The following SNX8 variants were observed in gnomAD, a reference collection of about 807,000 sequenced individuals.
SNX8 encodes the protein sorting nexin 8, also known as sorting nexin-8.
A neutral mutation model predicts 51.6 loss-of-function variants in SNX8; 25 were observed. That is an observed-to-expected ratio of 0.48 (90% CI 0.35 to 0.68). SNX8 has a LOEUF of 0.68. Among genes scored for constraint, SNX8 ranks in the 30% least tolerant of loss-of-function variants. The pLI, the probability that SNX8 is intolerant of heterozygous loss-of-function variation, is 0.00. For missense variants in SNX8, 695 were observed against 624.0 expected (o/e 1.11, Z -1.21); for synonymous variants, 324 against 277.0 (o/e 1.17, Z -1.68).
intron 1 of SNX8, among the ~76,000 whole-genome samples, chr7:2,313,172 T>C (rs1181801004): frequency 6.6e-6 from 1 of 151,934 alleles, no homozygotes; most frequent in Admixed American, 6.6e-5. Context: ...GTGCTGAGAT[T>C]ACAAGCGTGA....
At chr7:2,265,150 C>T (rs902276965) in intron 5 of SNX8, among the ~76,000 whole-genome samples, 2 of 151,942 alleles carry the variant, frequency 1.3e-5, no homozygotes, top group Admixed American at 6.6e-5. Flanking sequence ...GTAAGGAGAT[C>T]GAGACTATGG....
intron 1 of SNX8, among the ~76,000 whole-genome samples, chr7:2,311,829 C>A (rs375632235): frequency 2.0e-5 from 3 of 151,312 alleles, no homozygotes; most frequent in Non-Finnish European, 4.4e-5. Flanking sequence ...CCCAGCTACT[C>A]GGGAGGCTGA....
At chr7:2,334,902 T>C (rs994254299) in intron 1 of SNX8, among the ~76,000 whole-genome samples, 1 of 143,660 alleles carries the variant, frequency 7.0e-6, no homozygotes, top group African/African-American at 2.6e-5. Flanking sequence ...AAAAAAGACT[T>C]GTTCAAGTAT....
At chr7:2,271,646 T>C (rs570018538) in intron 4 of SNX8, among the ~76,000 whole-genome samples, 32 of 152,106 alleles carry the variant, frequency 2.1e-4, no homozygotes, top group African/African-American at 7.2e-4. Flanking sequence ...TACAAAATCC[T>C]GCAAAGTCAA....
intron 1 of SNX8, among the ~76,000 whole-genome samples, chr7:2,289,509 T>G (rs1241817816): frequency 6.6e-6 from 1 of 152,210 alleles, no homozygotes; most frequent in East Asian, 1.9e-4. Flanking sequence ...GTGCCTCTTT[T>G]AACACAGTTG....
At chr7:2,321,705 C>G (rs1452842926) in intron 1 of SNX8, among the ~76,000 whole-genome samples, 1 of 142,360 alleles carries the variant, frequency 7.0e-6, no homozygotes, top group African/African-American at 2.7e-5. Flanking sequence ...TGAGCCACCG[C>G]GCCCGGCCTT....
rs1224855006 is a variant in SNX8 at position 2,253,273 on chromosome 7, C to G, written c.*1783G>C. The G allele has an allele frequency of 1.9e-5, 3 of 154,560 alleles. No homozygotes were observed. The highest frequency in any genetic ancestry group is 6.5e-5 in the Admixed American group (1 of 15,298). 9.6% of individuals were successfully genotyped at this position (154,560 alleles called of 1,614,324 possible). A position where few individuals can be genotyped will look rare whatever the true frequency, so the allele number is the denominator to read the frequency against. On this transcript the variant is annotated 3_prime_UTR_variant, in exon 11 of 11. Coordinates refer to ENST00000222990, the MANE Select transcript of SNX8 (RefSeq NM_013321.4). The stretch of plus-strand genomic sequence containing the variant: ...GTCAGGAGCGCGTGCCTTGCCTACT[C>G]TGGAGACACAGAGGCCCCAGCACCT...
intron 1 of SNX8, among the ~76,000 whole-genome samples, chr7:2,350,710 A>T (rs1029390833): frequency 2.6e-5 from 4 of 152,050 alleles, no homozygotes; most frequent in African/African-American, 9.7e-5. Context: ...GCAGTGGCAC[A>T]ACCTCGGCTC....
At chr7:2,300,245 C>T (rs1035900572) in intron 1 of SNX8, among the ~76,000 whole-genome samples, 9 of 152,166 alleles carry the variant, frequency 5.9e-5, no homozygotes, top group South Asian at 2.1e-4. Flanking sequence ...ATTATCTTAA[C>T]GCGTTTAAGG....
chr7:2,303,497 T>C (rs984752092), intron 1 of SNX8, among the ~76,000 whole-genome samples: 11 of 151,956 alleles, frequency 7.2e-5, no homozygotes, highest in Non-Finnish European at 1.3e-4. Flanking sequence ...ACAATGGCGG[T>C]TTTGTGGAAT....
At chr7:2,273,902 TAAAA>T (rs560129465) in intron 3 of SNX8, among the ~76,000 whole-genome samples, 2 of 125,892 alleles carry the variant, frequency 1.6e-5, no homozygotes, top group African/African-American at 5.8e-5. Flanking sequence ...AGACTCCATG[TAAAA>T]AAAAAAAAAA....
chr7:2,286,056 A>T lies in SNX8; in HGVS notation c.95-7751T>A, dbSNP rs151081527. Among the ~76,000 whole-genome samples, 10 of 149,472 alleles carry T rather than the reference A, an allele frequency of 6.7e-5. No homozygotes were observed. The East Asian group carries it at 1.6e-3, about 24-fold the overall frequency. Reference sequence around the variant, plus strand: ...AGAGGGAGTCTTGCTCTGTCTCCCAAGCTGGAATGCTGTGGCGCTATCTCG... The same window carrying T: ...AGAGGGAGTCTTGCTCTGTCTCCCATGCTGGAATGCTGTGGCGCTATCTCG... On this transcript the variant is annotated intron_variant, in intron 1 of 10. Coordinates refer to ENST00000222990, the MANE Select transcript of SNX8 (RefSeq NM_013321.4).
At chr7:2,295,605 A>T in intron 1 of SNX8, among the ~76,000 whole-genome samples, 1 of 71,734 alleles carries the variant, frequency 1.4e-5, no homozygotes, top group South Asian at 4.4e-4. Context: ...AAAAAAAAAA[A>T]AAAAAAAAAA....
At chr7:2,293,637 G>A (rs1327120947) in intron 1 of SNX8, among the ~76,000 whole-genome samples, 1 of 151,324 alleles carries the variant, frequency 6.6e-6, no homozygotes, top group African/African-American at 2.4e-5. Flanking sequence ...ACTCCAGCCT[G>A]GGTGACAAAG....
chr7:2,282,410 C>T (rs1795927389), intron 1 of SNX8, among the ~76,000 whole-genome samples: 3 of 152,114 alleles, frequency 2.0e-5, no homozygotes, highest in South Asian at 4.1e-4. Flanking sequence ...CCAAGTCAGC[C>T]GCCGGCCCAC....
intron 4 of SNX8, 69 bp from the exon 5 acceptor site, chr7:2,269,708 T>A: frequency 1.9e-6 from 2 of 1,045,692 alleles, no homozygotes; most frequent in Non-Finnish European, 2.8e-6. Context: ...GGGGTATGGG[T>A]CACTGTGGAG....
chr7:2,269,449 C>A (rs1392794987), intron 5 of SNX8, 110 bp downstream of exon 5: 1 of 525,956 alleles, frequency 1.9e-6, no homozygotes, highest in African/African-American at 2.0e-5. Flanking sequence ...GACCTTCCCT[C>A]CACTATTGTC....
intron 1 of SNX8, among the ~76,000 whole-genome samples, chr7:2,283,539 G>A (rs978999351): frequency 6.6e-6 from 1 of 152,208 alleles, no homozygotes; most frequent in Non-Finnish European, 1.5e-5. Context: ...CCCGTTTAGT[G>A]GCAGGGAGGA....
chr7:2,320,213 G>C (rs1796811701), intron 1 of SNX8, among the ~76,000 whole-genome samples: 1 of 151,716 alleles, frequency 6.6e-6, no homozygotes, highest in Admixed American at 6.6e-5. Context: ...AAATTAGCCG[G>C]GCATGGTGTC....
Sources: allele counts gnomAD v4.1 joint callset (sites outside exome capture counted in the v4.1 genomes callset), GRCh38; gene constraint gnomAD v4.1.1; transcripts MANE v1.5; gene names NCBI Gene and HGNC (gene_info 2026-07-23, HGNC 2026-07-21).